ST6GALNAC3: variants seen among roughly 807,000 people sequenced by gnomAD.
ST6GALNAC3 encodes the protein ST6 N-acetylgalactosaminide alpha-2,6-sialyltransferase 3, also known as alpha-N-acetylgalactosaminide alpha-2,6-sialyltransferase 3.
Under a neutral mutation model 32.7 loss-of-function variants are expected in ST6GALNAC3, and 25 were observed. The ratio of observed to expected loss-of-function variants is 0.76; its 90% CI spans 0.56 to 1.07. The LOEUF is 1.07. Ranked by LOEUF, ST6GALNAC3 falls within the 50% of genes least tolerant of loss-of-function variation. The pLI, the probability that ST6GALNAC3 is intolerant of heterozygous loss-of-function variation, is 0.00. For missense variants in ST6GALNAC3, 355 were observed against 382.4 expected (o/e 0.93, Z 0.60); for synonymous variants, 129 against 133.1 (o/e 0.97, Z 0.21).
intron 1 of ST6GALNAC3, among the ~76,000 whole-genome samples, chr1:76,112,291 G>A (rs1648053017): frequency 1.4e-5 from 2 of 139,420 alleles, no homozygotes; most frequent in Admixed American, 6.9e-5. Context: ...CCGGGCAGAG[G>A]GGCTCCTCAC....
chr1:76,132,651 A>G (rs997941509), intron 1 of ST6GALNAC3, among the ~76,000 whole-genome samples: 1 of 152,152 alleles, frequency 6.6e-6, no homozygotes, highest in African/African-American at 2.4e-5. Context: ...TCTACTGCTC[A>G]GGTCTCATCC....
At chr1:76,138,408 G>A (rs1025999456) in intron 1 of ST6GALNAC3, among the ~76,000 whole-genome samples, 4 of 151,556 alleles carry the variant, frequency 2.6e-5, no homozygotes, top group Non-Finnish European at 2.9e-5. Flanking sequence ...GATATTGCCA[G>A]CCTGCTCCTG....
chr1:76,521,323 A>T (rs1662523017), intron 3 of ST6GALNAC3, among the ~76,000 whole-genome samples: 1 of 151,940 alleles, frequency 6.6e-6, no homozygotes, highest in South Asian at 2.1e-4. Context: ...GCGTACATAC[A>T]TGCATATACA....
rs145542219 is a variant in ST6GALNAC3 at position 76,304,836 on chromosome 1, T to C, written c.19-8969T>C. On this transcript the variant is annotated intron_variant, in intron 1 of 4. Transcript: ENST00000328299. ...CCAGGACCACCAGAATTTACACTTA[T>C]GCTCTGCTTCTGTGTCCTGAACACC... Among the ~76,000 whole-genome samples the C allele has an allele frequency of 1.2e-4, 18 of 152,216 alleles. No homozygotes were observed. The East Asian group carries it at 3.3e-3, about 28-fold the overall frequency.
chr1:76,175,353 G>GATAGGAAT (rs1341462800), intron 1 of ST6GALNAC3, among the ~76,000 whole-genome samples: 26 of 152,054 alleles, frequency 1.7e-4, no homozygotes, highest in Non-Finnish European at 2.8e-4. Flanking sequence ...TAACCCATTG[G>GATAGGAAT]ATAGGAATAT....
chr1:76,488,952 T>C (rs7531740), intron 3 of ST6GALNAC3, among the ~76,000 whole-genome samples: 37,614 of 151,940 alleles, frequency 0.25, 6,271 homozygotes, highest in African/African-American at 0.48. Context: ...CTTCTTCCTT[T>C]CTTTTCTCTA....
At position 76,535,400 on chromosome 1, in the gene ST6GALNAC3, A is replaced by G. The variant is rs559094317; in HGVS notation, c.624-92052A>G. Reference sequence around the variant, plus strand: ...AATAGGTTTCTTTGATGGGACAGTAATCACAAGACACATTCTGATTTCTTT... The same window carrying G: ...AATAGGTTTCTTTGATGGGACAGTAGTCACAAGACACATTCTGATTTCTTT... On this transcript the variant is annotated intron_variant, in intron 3 of 4. Transcript: ENST00000328299. Among the ~76,000 whole-genome samples, 14 of 152,294 alleles carry G rather than the reference A, an allele frequency of 9.2e-5. No homozygotes were observed. In the South Asian group the frequency reaches 2.9e-3, roughly 32 times the overall value.
intron 1 of ST6GALNAC3, among the ~76,000 whole-genome samples, chr1:76,300,599 G>C (rs1660671145): frequency 6.6e-6 from 1 of 151,904 alleles, no homozygotes; most frequent in Non-Finnish European, 1.5e-5. Context: ...TAAGTTTATT[G>C]CTAAGTGGTA....
chr1:76,388,399 C>A (rs1340893342), intron 2 of ST6GALNAC3, among the ~76,000 whole-genome samples: 1 of 152,122 alleles, frequency 6.6e-6, no homozygotes, highest in Admixed American at 6.6e-5. Context: ...ATTTTAATAA[C>A]CTCCATGCTG....
In ST6GALNAC3 at chr1:76,494,649, G is replaced by GCACACACA. The variant is rs35632611; in HGVS notation, c.623+82256_623+82263dup. 4.4e-3 allele frequency among the ~76,000 whole-genome samples: 301 copies of GCACACACA among 67,722 alleles called. 19 individuals carry two copies. The highest frequency in any genetic ancestry group is 0.018 in the African/African-American group (280 of 15,474). 44.4% of individuals were successfully genotyped at this position (67,722 alleles called of 152,430 possible). ...ATAAAAATATATTTCATGTGTATGC[G>GCACACACA]CACACACACACACACACACACACAC... On this transcript the variant is annotated intron_variant, in intron 3 of 4. Transcript: ENST00000328299.
chr1:76,155,106 T>G (rs1651312919), intron 1 of ST6GALNAC3, among the ~76,000 whole-genome samples: 1 of 152,178 alleles, frequency 6.6e-6, no homozygotes, highest in Non-Finnish European at 1.5e-5. Flanking sequence ...AGTGCCCTCC[T>G]CCCTACAAAG....
chr1:76,545,145 T>G (rs1664215070), intron 3 of ST6GALNAC3, among the ~76,000 whole-genome samples: 2 of 152,264 alleles, frequency 1.3e-5, no homozygotes, highest in South Asian at 4.1e-4. Flanking sequence ...CCTCACCTCT[T>G]AGATTTTCCA....
At chr1:76,269,888 G>A (rs887988618) in intron 1 of ST6GALNAC3, among the ~76,000 whole-genome samples, 2 of 152,138 alleles carry the variant, frequency 1.3e-5, no homozygotes. Flanking sequence ...GTGACTTAGA[G>A]GGGATGCCGT....
At chr1:76,343,965 G>A (rs1294204860) in intron 2 of ST6GALNAC3, among the ~76,000 whole-genome samples, 1 of 152,176 alleles carries the variant, frequency 6.6e-6, no homozygotes, top group African/African-American at 2.4e-5. Flanking sequence ...TAGATGTCAG[G>A]CATTGAGCAA....
At chr1:76,267,300 T>G (rs1420340677) in intron 1 of ST6GALNAC3, among the ~76,000 whole-genome samples, 1 of 152,188 alleles carries the variant, frequency 6.6e-6, no homozygotes, top group African/African-American at 2.4e-5. Flanking sequence ...ACTAATCTAC[T>G]TCACCTATGG....
At chr1:76,204,275 A>G (rs531243678) in intron 1 of ST6GALNAC3, among the ~76,000 whole-genome samples, 1 of 152,100 alleles carries the variant, frequency 6.6e-6, no homozygotes, top group East Asian at 1.9e-4. Flanking sequence ...CACTTTCTTT[A>G]CCCATTTATC....
At chr1:76,397,451 C>G (rs998000934) in intron 2 of ST6GALNAC3, among the ~76,000 whole-genome samples, 2 of 148,464 alleles carry the variant, frequency 1.3e-5, no homozygotes, top group African/African-American at 5.0e-5. Flanking sequence ...CCCACTGCAA[C>G]CTCCGCCTCC....
At position 76,412,420 on chromosome 1, in the gene ST6GALNAC3, G is replaced by A. The variant is rs760037233; in HGVS notation, c.623+3G>A. 1.9e-6 allele frequency: 3 copies of A among 1,587,336 alleles called. No individual in the cohort carries two copies. The highest frequency in any genetic ancestry group is 1.7e-6 in the Non-Finnish European group (2 of 1,167,190). ...AAGAAGGAAACTGGGAAGGACAGGTGAGCCCTCTCTGAAGCAGCTTTATTG... is the reference window on the plus strand; with the variant it reads ...AAGAAGGAAACTGGGAAGGACAGGTAAGCCCTCTCTGAAGCAGCTTTATTG... On this transcript the variant is annotated splice_donor_region_variant and intron_variant, in intron 3 of 4. Coordinates refer to ENST00000328299, the MANE Select transcript of ST6GALNAC3 (RefSeq NM_152996.4).
chr1:76,593,048 C>A (rs938741237), intron 3 of ST6GALNAC3, among the ~76,000 whole-genome samples: 4 of 151,984 alleles, frequency 2.6e-5, no homozygotes, highest in African/African-American at 7.2e-5. Context: ...AGAATTAATA[C>A]TGAAAACATG....
Sources: allele counts gnomAD v4.1 joint callset (sites outside exome capture counted in the v4.1 genomes callset), GRCh38; gene constraint gnomAD v4.1.1; transcripts MANE v1.5; gene names NCBI Gene and HGNC (gene_info 2026-07-23, HGNC 2026-07-21).